ZMYND8: variants seen among roughly 807,000 people sequenced by gnomAD.
ZMYND8 encodes MYND-type zinc finger-containing chromatin reader ZMYND8.
A neutral mutation model predicts 140.8 loss-of-function variants in ZMYND8; 37 were observed. The ratio of observed to expected loss-of-function variants is 0.26; its 90% CI spans 0.20 to 0.35. ZMYND8 has a LOEUF of 0.35. Among genes scored for constraint, ZMYND8 ranks in the 10% least tolerant of loss-of-function variants. The probability of loss-of-function intolerance (pLI) is 1.00; values close to 1 mark genes in which losing one functional copy is unlikely to be tolerated. For missense variants in ZMYND8, 1,068 were observed against 1,570.0 expected, an observed-to-expected ratio of 0.68 and a Z score of 5.40; for synonymous variants, 592 against 597.1, an observed-to-expected ratio of 0.99 and a Z score of 0.12.
intron 8 of ZMYND8, chr20:47,285,931 C>T (rs1186641857): frequency 2.6e-6 from 2 of 773,918 alleles, no homozygotes; most frequent in South Asian, 5.9e-5. Flanking sequence ...TGGCTGAGGC[C>T]TATATTCCCA....
At chr20:47,275,091 G>A (rs939024661) in intron 11 of ZMYND8, among the ~76,000 whole-genome samples, 8 of 152,146 alleles carry the variant, frequency 5.3e-5, no homozygotes, top group African/African-American at 1.9e-4. Context: ...ACTCCAACCT[G>A]CTTTATTCAT....
At position 47,283,561 on chromosome 20, in the gene ZMYND8, T is replaced by A; in HGVS notation, c.882+10A>T. 6.2e-7 allele frequency: 1 copy of A among 1,613,866 alleles called. No individual in the cohort carries two copies. The highest frequency in any genetic ancestry group is 8.5e-7 in the Non-Finnish European group (1 of 1,179,880). On this transcript the variant is annotated intron_variant, in intron 9 of 22. Coordinates refer to ENST00000471951, the MANE Select transcript of ZMYND8 (RefSeq NM_001281775.3). Reference sequence around the variant, plus strand: ...CAGTAAATGAAATAAGCAAAGTAAATCCAACTTACACAAGGCTCACAAAAC... The same window carrying A: ...CAGTAAATGAAATAAGCAAAGTAAAACCAACTTACACAAGGCTCACAAAAC...
rs745902739 is a variant in ZMYND8 at position 47,224,557 on chromosome 20, C to A, written c.3017-1G>T. ...TGCCGCATCTCCGCCATGGTCAGCT[C>A]TGGTGGAGGAGGGGAAGAACACCGC... On this transcript the variant is annotated splice_acceptor_variant, in intron 18 of 22. Coordinates refer to ENST00000471951, the MANE Select transcript of ZMYND8 (RefSeq NM_001281775.3). LOFTEE classifies it high-confidence loss of function. 1 of 1,612,922 alleles carries A rather than the reference C, an allele frequency of 6.2e-7. No individual in the cohort carries two copies.
intron 4 of ZMYND8, among the ~76,000 whole-genome samples, chr20:47,296,037 G>A (rs1221198380): frequency 1.3e-5 from 2 of 152,088 alleles, no homozygotes; most frequent in Admixed American, 1.3e-4. Context: ...CTCAGAAGCT[G>A]AAAACAGTGC....
chr20:47,230,850 C>A (rs1003985161), intron 16 of ZMYND8, among the ~76,000 whole-genome samples: 1 of 152,108 alleles, frequency 6.6e-6, no homozygotes, highest in Admixed American at 6.6e-5. Context: ...GGTATCCCAT[C>A]CCCCGCTCCC....
intron 11 of ZMYND8, among the ~76,000 whole-genome samples, chr20:47,267,496 C>CG (rs57088437): frequency 3.1e-3 from 270 of 86,526 alleles, no homozygotes; most frequent in East Asian, 0.013. Context: ...AGGGCCGGGG[C>CG]GGGGGGGGGG....
intron 12 of ZMYND8, among the ~76,000 whole-genome samples, chr20:47,258,537 C>T (rs1427513619): frequency 6.6e-6 from 1 of 152,184 alleles, no homozygotes; most frequent in African/African-American, 2.4e-5. Context: ...GAGTTCCCTC[C>T]CAATGTGTAG....
intron 19 of ZMYND8, 69 bp downstream of exon 19, chr20:47,224,248 A>T (rs2037389017): frequency 6.3e-7 from 1 of 1,591,884 alleles, no homozygotes; most frequent in Admixed American, 1.7e-5. Context: ...GAGACCCCTG[A>T]AGTCCACAGG....
intron 11 of ZMYND8, among the ~76,000 whole-genome samples, chr20:47,263,333 T>C (rs567095100): frequency 2.8e-4 from 42 of 152,334 alleles, no homozygotes; most frequent in African/African-American, 1.0e-3. Flanking sequence ...CATTCTGAGT[T>C]GATCTGGTGC....
intron 12 of ZMYND8, among the ~76,000 whole-genome samples, chr20:47,255,693 A>T (rs749679012): frequency 1.6e-5 from 2 of 125,760 alleles, no homozygotes; most frequent in Non-Finnish European, 3.3e-5. Flanking sequence ...GTGTGTGTAT[A>T]TATATATATA....
chr20:47,315,735 T>G (rs1212471614), intron 2 of ZMYND8, among the ~76,000 whole-genome samples: 1 of 152,216 alleles, frequency 6.6e-6, no homozygotes, highest in East Asian at 1.9e-4. Context: ...AAACAGCCAC[T>G]GTCGACTGAA....
chr20:47,214,604 A>G (rs766680596), intron 21 of ZMYND8, among the ~76,000 whole-genome samples: 12 of 152,038 alleles, frequency 7.9e-5, no homozygotes, highest in Non-Finnish European at 1.3e-4. Flanking sequence ...AGTAATTCTC[A>G]TGCCTCAGGC....
chr20:47,349,860 C>A (rs1380857521), intron 1 of ZMYND8: 1 of 1,535,568 alleles, frequency 6.5e-7, no homozygotes, highest in East Asian at 2.4e-5. Flanking sequence ...AAAAAACCCA[C>A]TTGAAGGATT....
chr20:47,282,731 A>AAC (rs1555990198), intron 9 of ZMYND8, among the ~76,000 whole-genome samples: 1 of 151,904 alleles, frequency 6.6e-6, no homozygotes, highest in Non-Finnish European at 1.5e-5. Context: ...CTCAAAAAAA[A>AAC]AAAAACAAAA....
At chr20:47,238,701 G>A in intron 15 of ZMYND8, 57 bp downstream of exon 15, 1 of 1,560,308 alleles carries the variant, frequency 6.4e-7, no homozygotes, top group South Asian at 1.2e-5. Context: ...ACTTTCTCCT[G>A]TCGATGTGGC....
chr20:47,349,337 T>C (rs762881781), intron 1 of ZMYND8, among the ~76,000 whole-genome samples: 1 of 152,322 alleles, frequency 6.6e-6, no homozygotes, highest in Non-Finnish European at 1.5e-5. Context: ...ACCGCATCTG[T>C]AAAGAAAGCC....
chr20:47,222,870 CA>C (rs1475024281), intron 19 of ZMYND8, among the ~76,000 whole-genome samples: 1 of 152,240 alleles, frequency 6.6e-6, no homozygotes, highest in Non-Finnish European at 1.5e-5. Context: ...GGCAGACAGC[CA>C]CATCCATCCA....
intron 2 of ZMYND8, among the ~76,000 whole-genome samples, chr20:47,314,076 T>C (rs886382556): frequency 1.3e-5 from 2 of 150,876 alleles, no homozygotes; most frequent in Non-Finnish European, 2.9e-5. Flanking sequence ...AAGCTCGACT[T>C]GGGGACTACT....
At chr20:47,232,023 C>CA (rs1428534058) in intron 16 of ZMYND8, among the ~76,000 whole-genome samples, 3 of 152,204 alleles carry the variant, frequency 2.0e-5, no homozygotes, top group African/African-American at 4.8e-5. Flanking sequence ...CATCAGCTCC[C>CA]AAAAAATGTC....
Sources: gnomAD v4.1 joint callset for allele counts (sites outside exome capture counted in the v4.1 genomes callset) on GRCh38, gnomAD v4.1.1 for gene constraint, MANE v1.5 for transcripts, NCBI Gene and HGNC (gene_info 2026-07-23, HGNC 2026-07-21) for gene names.